CSMD3: variants seen among roughly 807,000 people sequenced by gnomAD.
CSMD3 encodes the protein CUB and Sushi multiple domains 3.
CSMD3 carries 177 observed loss-of-function variants against 435.2 expected under a neutral mutation model. The observed-to-expected ratio is 0.41, with a 90% confidence interval of 0.36 to 0.46. The LOEUF is 0.46. Among genes scored for constraint, CSMD3 ranks in the 20% least tolerant of loss-of-function variants. The probability of loss-of-function intolerance (pLI) is 0.34; values close to 1 mark genes in which losing one functional copy is unlikely to be tolerated. For missense variants in CSMD3, 4,265 were observed against 4,504.6 expected (o/e 0.95, Z 1.52); for synonymous variants, 1,656 against 1,520.5 (o/e 1.09, Z -2.07).
At chr8:112,783,488 AAGGGAGGGAGGGAGGGAGGAAGGG>A (rs2078453420) in intron 13 of CSMD3, among the ~76,000 whole-genome samples, 1 of 80,740 alleles carries the variant, frequency 1.2e-5, no homozygotes, top group Admixed American at 1.7e-4. Flanking sequence ...GAAGGGAGAG[AAGGGAGGGAGGGAGGGAGGAAGGG>A]AGGGAGGGAG....
intron 3 of CSMD3, among the ~76,000 whole-genome samples, chr8:113,267,584 A>G (rs1361292596): frequency 6.6e-6 from 1 of 151,574 alleles, no homozygotes; most frequent in African/African-American, 2.4e-5. Context: ...GAAAACAGAA[A>G]CTTGGAAGGG....
intron 3 of CSMD3, among the ~76,000 whole-genome samples, chr8:113,240,500 C>G (rs767599848): frequency 3.3e-5 from 5 of 152,102 alleles, no homozygotes; most frequent in Non-Finnish European, 7.4e-5. Context: ...CCTTTTTATC[C>G]ACAACCTCAC....
chr8:112,304,363 C>T (rs1439330495), intron 52 of CSMD3, among the ~76,000 whole-genome samples: 3 of 146,846 alleles, frequency 2.0e-5, no homozygotes, highest in African/African-American at 4.9e-5. Flanking sequence ...AGAATGATTA[C>T]ATCTGGGGCA....
At chr8:113,385,019 A>G (rs751141123) in intron 1 of CSMD3, among the ~76,000 whole-genome samples, 44 of 152,202 alleles carry the variant, frequency 2.9e-4, no homozygotes, top group Non-Finnish European at 1.8e-4. Context: ...ATAATGAAAG[A>G]CAGGAGTTAT....
In CSMD3 at chr8:112,304,865, G is replaced by A. The variant is rs773340701; in HGVS notation, c.8122C>T (p.Arg2708Ter). 1.2e-6 allele frequency: 2 copies of A among 1,613,712 alleles called. No homozygotes were observed. The highest frequency in any genetic ancestry group is 1.7e-6 in the Non-Finnish European group (2 of 1,179,830). ...NSFILEHGRW[R>*]IVNGSHYEYK... Reference sequence around the variant, plus strand: ...TCATAATGGGAGCCATTCACAATTCGCCATCTTCCATGTTCCAAGATAAAG... The same window carrying A: ...TCATAATGGGAGCCATTCACAATTCACCATCTTCCATGTTCCAAGATAAAG... The change falls in exon 52 of 71, where the codon CGA becomes TGA. Residue 2708 changes from arginine (R) to a stop codon, truncating the protein, a stop_gained. Transcript: ENST00000297405. LOFTEE classifies it high-confidence loss of function.
At chr8:112,521,304 C>G (rs372577421) in intron 27 of CSMD3, among the ~76,000 whole-genome samples, 23 of 151,938 alleles carry the variant, frequency 1.5e-4, no homozygotes, top group African/African-American at 5.6e-4. Flanking sequence ...TATCGTCAGT[C>G]TTTCCTCTAT....
intron 9 of CSMD3, among the ~76,000 whole-genome samples, chr8:112,934,190 C>G (rs1448716745): frequency 6.6e-6 from 1 of 152,002 alleles, no homozygotes; most frequent in Non-Finnish European, 1.5e-5. Flanking sequence ...ATTGTAATTA[C>G]AAATATCATG....
intron 13 of CSMD3, among the ~76,000 whole-genome samples, chr8:112,692,071 G>A (rs1224619238): frequency 6.6e-6 from 1 of 151,962 alleles, no homozygotes; most frequent in Non-Finnish European, 1.5e-5. Flanking sequence ...CCAAAGTGCT[G>A]GAATTACAGG....
intron 1 of CSMD3, among the ~76,000 whole-genome samples, chr8:113,422,852 A>G (rs1055818374): frequency 6.6e-6 from 1 of 152,078 alleles, no homozygotes; most frequent in Non-Finnish European, 1.5e-5. Context: ...TTTAGGTATC[A>G]GCTACAACAT....
intron 22 of CSMD3, among the ~76,000 whole-genome samples, chr8:112,613,727 A>T (rs1478368331): frequency 6.6e-6 from 1 of 152,160 alleles, no homozygotes; most frequent in East Asian, 1.9e-4. Flanking sequence ...TGTGCTAGAG[A>T]TCCAGCCATA....
Position 113,325,024 on chromosome 8 carries a change from C to G in CSMD3, c.179-10231G>C, listed in dbSNP as rs569438225. The stretch of plus-strand genomic sequence containing the variant: ...TGCCAATTCCTCCCATTTGGAACAG[C>G]TGTATTTACCCAAAGCCTGTACCCC... On this transcript the variant is annotated intron_variant, in intron 1 of 70. Transcript: ENST00000297405. 2.0e-5 allele frequency among the ~76,000 whole-genome samples: 3 copies of G among 152,204 alleles called. No homozygotes were observed. The East Asian group carries it at 5.8e-4, about 29-fold the overall frequency.
At chr8:112,291,432 G>A in intron 56 of CSMD3, 78 bp downstream of exon 56, 2 of 954,092 alleles carry the variant, frequency 2.1e-6, no homozygotes, top group Non-Finnish European at 3.4e-6. Context: ...ATATCTTTAG[G>A]TCATTTTATA....
At chr8:113,268,315 ATAAGT>A (rs1014291872) in intron 3 of CSMD3, among the ~76,000 whole-genome samples, 49 of 151,880 alleles carry the variant, frequency 3.2e-4, no homozygotes, top group African/African-American at 1.1e-3. Context: ...TAAACTTAGT[ATAAGT>A]TAATATTTTT....
At chr8:113,098,274 G>A (rs2090223315) in intron 5 of CSMD3, among the ~76,000 whole-genome samples, 2 of 151,906 alleles carry the variant, frequency 1.3e-5, no homozygotes, top group Admixed American at 1.3e-4. Context: ...GCATAAAGAA[G>A]CATTTTACTT....
In CSMD3 at chr8:112,314,548, C is replaced by T. The variant is rs2130837529; in HGVS notation, c.7430G>A (p.Ser2477Asn). ...GVILSPGYPD[S>N]YPNLQMCAWS... ...TGCACACATTTGAAGATTTGGGTAA[C>T]TGTCAGGATATCCAGGGCTCAATAT... is the stretch of plus-strand genomic sequence containing the variant. The change falls in exon 48 of 71, where the codon AGT (serine) becomes AAT (asparagine). Residue 2477 changes from serine to asparagine, a missense_variant. By Grantham distance (46) the Ser-to-Asn change is conservative (BLOSUM62 1). This residue lies in a region of CSMD3 where 3,255 missense variants were observed against 3,380.2 expected (regional missense o/e 0.96). Transcript: ENST00000297405. 6.2e-7 allele frequency: 1 copy of T among 1,612,308 alleles called. No homozygotes were observed. Among genetic ancestry groups the T allele is most frequent in the African/African-American group, 1.3e-5 (1 of 74,994 alleles).
At chr8:112,244,607 T>C (rs1814520558) in intron 64 of CSMD3, 34 bp from the exon 65 acceptor site, 1 of 1,596,166 alleles carries the variant, frequency 6.3e-7, no homozygotes. Context: ...GTAAATTTTC[T>C]ATAGATATGT....
intron 16 of CSMD3, among the ~76,000 whole-genome samples, chr8:112,669,559 A>C (rs72678454): frequency 0.17 from 25,898 of 152,142 alleles, 2,371 homozygotes; most frequent in Middle Eastern, 0.32. Context: ...CTACACTTCA[A>C]AAAGGATTTC....
intron 38 of CSMD3, among the ~76,000 whole-genome samples, chr8:112,353,288 G>T (rs910164217): frequency 6.6e-6 from 1 of 152,200 alleles, no homozygotes; most frequent in African/African-American, 2.4e-5. Context: ...TACTTGGGAG[G>T]CTAAGGCAGG....
At chr8:113,043,174 C>CTCA (rs1254412192) in intron 5 of CSMD3, among the ~76,000 whole-genome samples, 1 of 152,148 alleles carries the variant, frequency 6.6e-6, no homozygotes, top group African/African-American at 2.4e-5. Flanking sequence ...ATAGGTCACC[C>CTCA]TTAAATACAA....
Sources: allele counts gnomAD v4.1 joint callset (sites outside exome capture counted in the v4.1 genomes callset), GRCh38; gene constraint gnomAD v4.1.1; regional missense constraint gnomAD v4.1.1; transcripts MANE v1.5; gene names NCBI Gene and HGNC (gene_info 2026-07-23, HGNC 2026-07-21).